The following SH3BGR variants were observed in gnomAD, a reference collection of about 807,000 sequenced individuals.
SH3BGR encodes the protein SH3 domain binding glutamate rich protein.
In SH3BGR, 29 loss-of-function variants were observed where a neutral mutation model predicts 24.5. That is an observed-to-expected ratio of 1.18 (90% CI 0.88 to 1.61). The LOEUF is 1.61. SH3BGR is among the 40% of genes most tolerant of loss of function. The probability of loss-of-function intolerance (pLI) is 0.00; values close to 1 mark genes in which losing one functional copy is unlikely to be tolerated. For synonymous variants in SH3BGR, 55 were observed against 65.7 expected, an observed-to-expected ratio of 0.84 and a Z score of 0.79; for missense variants, 162 against 205.8, an observed-to-expected ratio of 0.79 and a Z score of 1.30.
At chr21:39,481,783 A>G (rs2078134510) in intron 3 of SH3BGR, among the ~76,000 whole-genome samples, 1 of 152,210 alleles carries the variant, frequency 6.6e-6, no homozygotes, top group South Asian at 2.1e-4. Flanking sequence ...CAAATATCGA[A>G]TAAATGATAG....
At position 39,495,589 on chromosome 21, in the gene SH3BGR, C is replaced by T. The variant is rs374927763; in HGVS notation, c.313-4234C>T. 2.6e-5 allele frequency among the ~76,000 whole-genome samples: 4 copies of T among 151,810 alleles called. No individual in the cohort carries two copies. The East Asian group carries it at 5.8e-4, about 22-fold the overall frequency. On this transcript the variant is annotated intron_variant, in intron 3 of 6. Coordinates refer to ENST00000333634, the MANE Select transcript of SH3BGR (RefSeq NM_007341.3). The stretch of plus-strand genomic sequence containing the variant: ...CAGACTCCTGGGCTCAAGCAGTCCT[C>T]TTGTCTTAGCCTCCCAAGTAACTGG...
intron 3 of SH3BGR, among the ~76,000 whole-genome samples, chr21:39,487,885 C>T (rs759262955): frequency 7.9e-5 from 12 of 152,114 alleles, no homozygotes; most frequent in Non-Finnish European, 1.5e-4. Flanking sequence ...AGAGGACAGG[C>T]GACTTCACTT....
At chr21:39,478,200 C>A (rs2078059913) in intron 3 of SH3BGR, among the ~76,000 whole-genome samples, 1 of 152,164 alleles carries the variant, frequency 6.6e-6, no homozygotes, top group Non-Finnish European at 1.5e-5. Flanking sequence ...AATAGTCCTA[C>A]AAAGATTACT....
chr21:39,467,429 T>C (rs2077862703), intron 2 of SH3BGR, among the ~76,000 whole-genome samples: 1 of 152,226 alleles, frequency 6.6e-6, no homozygotes, highest in Non-Finnish European at 1.5e-5. Context: ...GAGAAGTATT[T>C]GTAGTTTACC....
intron 3 of SH3BGR, among the ~76,000 whole-genome samples, chr21:39,480,930 T>G (rs2078119804): frequency 6.6e-6 from 1 of 152,216 alleles, no homozygotes; most frequent in South Asian, 2.1e-4. Flanking sequence ...GGTATCTTAT[T>G]TGCTTTAGTT....
chr21:39,510,674 A>G (rs972724051), intron 5 of SH3BGR, among the ~76,000 whole-genome samples: 1 of 151,992 alleles, frequency 6.6e-6, no homozygotes, highest in Admixed American at 6.6e-5. Flanking sequence ...ACGTCTTTCC[A>G]ATAATTATTT....
intron 6 of SH3BGR, among the ~76,000 whole-genome samples, chr21:39,513,719 A>G (rs181316308): frequency 1.3e-5 from 2 of 152,236 alleles, no homozygotes; most frequent in East Asian, 3.9e-4. Flanking sequence ...CAAGCTTAAG[A>G]TATTCTACCT....
intron 4 of SH3BGR, among the ~76,000 whole-genome samples, chr21:39,500,283 GC>G (rs933039253): frequency 6.6e-6 from 1 of 152,082 alleles, no homozygotes; most frequent in African/African-American, 2.4e-5. Context: ...CAGGAGCCCT[GC>G]CCAGTGGGGA....
Position 39,511,860 on chromosome 21 carries a change from C to T in SH3BGR, c.*34+51C>T, listed in dbSNP as rs866968353. ...AAGCTGCTAGTTACCGTACTGTATGCTATCTGCGGCACATTTTGCTTAGTA... is the reference window on the plus strand; with the variant it reads ...AAGCTGCTAGTTACCGTACTGTATGTTATCTGCGGCACATTTTGCTTAGTA... On this transcript the variant is annotated intron_variant, in intron 6 of 6. Transcript: ENST00000333634. The surrounding 1 kb of genome is among the most constrained non-coding windows in gnomAD (Gnocchi z 4.2). The T allele has an allele frequency of 8.0e-6, 12 of 1,497,192 alleles. No homozygotes were observed. The highest frequency in any genetic ancestry group is 1.8e-4 in the Middle Eastern group (1 of 5,502). The allele number at this position is 1,497,192 out of a possible 1,614,324, so 92.7% of individuals were successfully genotyped here.
chr21:39,464,984 A>G (rs530172959), intron 2 of SH3BGR, among the ~76,000 whole-genome samples: 8 of 152,118 alleles, frequency 5.3e-5, no homozygotes, highest in Admixed American at 5.2e-4. Context: ...ATTTCTATTT[A>G]TTATTTATTT....
At chr21:39,465,558 C>T (rs1324100525) in intron 2 of SH3BGR, among the ~76,000 whole-genome samples, 1 of 152,124 alleles carries the variant, frequency 6.6e-6, no homozygotes, top group Non-Finnish European at 1.5e-5. Context: ...ATAACTGCAT[C>T]TCAGAGTTCA....
At chr21:39,464,053 G>GCTTATGGAAGC (rs976389923) in intron 2 of SH3BGR, among the ~76,000 whole-genome samples, 14 of 152,108 alleles carry the variant, frequency 9.2e-5, no homozygotes, top group Admixed American at 9.2e-4. Flanking sequence ...GCACTCCTTG[G>GCTTATGGAAGC]CTTATGGAAG....
At chr21:39,505,794 A>C (rs2078572129) in intron 4 of SH3BGR, among the ~76,000 whole-genome samples, 2 of 152,278 alleles carry the variant, frequency 1.3e-5, no homozygotes, top group East Asian at 3.9e-4. Context: ...GTTCCTCCAT[A>C]GTTGTTGCTA....
chr21:39,465,581 C>T (rs977393451), intron 2 of SH3BGR, among the ~76,000 whole-genome samples: 8 of 152,046 alleles, frequency 5.3e-5, no homozygotes, highest in East Asian at 1.9e-4. Context: ...GTATAGCTGC[C>T]CATGCTTATT....
At chr21:39,452,212 G>A (rs1181027778) in intron 1 of SH3BGR, 71 bp downstream of exon 1, 23 of 1,590,400 alleles carry the variant, frequency 1.4e-5, no homozygotes, top group Non-Finnish European at 1.8e-5. Context: ...TATGGCCAAC[G>A]TTGGCCTTCA....
chr21:39,448,392 T>C (rs572549964), upstream of SH3BGR, among the ~76,000 whole-genome samples: 1 of 152,352 alleles, frequency 6.6e-6, no homozygotes, highest in East Asian at 1.9e-4. Context: ...ACATATCATC[T>C]GGTATCATTT....
chr21:39,503,029 T>C (rs2078522661), intron 4 of SH3BGR, among the ~76,000 whole-genome samples: 1 of 151,506 alleles, frequency 6.6e-6, no homozygotes, highest in African/African-American at 2.4e-5. Flanking sequence ...TATCACCCCA[T>C]TAGCCTAAGG....
intron 3 of SH3BGR, among the ~76,000 whole-genome samples, chr21:39,492,840 T>C (rs1436517271): frequency 6.6e-6 from 1 of 152,018 alleles, no homozygotes; most frequent in Admixed American, 6.5e-5. Context: ...TGGTATCACA[T>C]TGTAGTTTTG....
chr21:39,460,983 C>T (rs1044614137), intron 1 of SH3BGR, among the ~76,000 whole-genome samples: 3 of 152,070 alleles, frequency 2.0e-5, no homozygotes, highest in Non-Finnish European at 4.4e-5. Flanking sequence ...TTTTCCCAAT[C>T]CCTTGTCTTC....
Sources: allele counts gnomAD v4.1 joint callset (sites outside exome capture counted in the v4.1 genomes callset), GRCh38; gene constraint gnomAD v4.1.1; non-coding constraint Gnocchi (gnomAD v3.1); transcripts MANE v1.5; gene names NCBI Gene and HGNC (gene_info 2026-07-23, HGNC 2026-07-21).